Variants in SLC35D2 observed in about 807,000 individuals in gnomAD.
SLC35D2 encodes nucleotide sugar transporter SLC35D2.
In SLC35D2, 43 loss-of-function variants were observed where a neutral mutation model predicts 41.8. That is an observed-to-expected ratio of 1.03 (90% CI 0.81 to 1.33). The LOEUF is 1.33. Ranked by LOEUF, SLC35D2 falls within the 40% of genes most tolerant of loss-of-function variation. The probability of loss-of-function intolerance (pLI) is 0.00; values close to 1 mark genes in which losing one functional copy is unlikely to be tolerated. For missense variants in SLC35D2, 380 were observed against 408.4 expected (o/e 0.93, Z 0.60); for synonymous variants, 150 against 163.9 (o/e 0.92, Z 0.65).
intron 1 of SLC35D2, among the ~76,000 whole-genome samples, chr9:96,380,969 A>G (rs1404199401): frequency 6.6e-6 from 1 of 152,168 alleles, no homozygotes; most frequent in African/African-American, 2.4e-5. Context: ...ATCACCAAAA[A>G]ATATCCCAAA....
intron 9 of SLC35D2, among the ~76,000 whole-genome samples, chr9:96,327,674 C>T (rs10990529): frequency 0.32 from 47,877 of 150,660 alleles, 7,782 homozygotes; most frequent in Admixed American, 0.37. Context: ...CAGGCTGGAG[C>T]GCAGTGGTGT....
intron 4 of SLC35D2, chr9:96,357,375 A>G (rs1237169377): frequency 6.6e-6 from 1 of 152,088 alleles, no homozygotes; most frequent in Non-Finnish European, 1.5e-5. Flanking sequence ...CCACATATAA[A>G]AAATTAACCC....
rs71368250 is a variant in SLC35D2, at chr9:96,372,574, C to CTT, written c.159-4271_159-4270dup. ...TCTGAGCTAAATAATTAAATAATTA[C>CTT]TTTTTTTTTTTTTTTTTTTTTTTTT... is the stretch of plus-strand genomic sequence containing the variant. On this transcript the variant is annotated intron_variant, in intron 1 of 11. Transcript: ENST00000253270. 2.1e-3 allele frequency among the ~76,000 whole-genome samples: 186 copies of CTT among 90,170 alleles called. 9 individuals are homozygous for CTT. Among genetic ancestry groups the CTT allele is most frequent in the Non-Finnish European group, 2.9e-3 (139 of 48,570 alleles). The allele number at this position is 90,170 out of a possible 152,430, so 59.2% of individuals were successfully genotyped here.
downstream of SLC35D2, among the ~76,000 whole-genome samples, chr9:96,316,431 G>A (rs1828054449): frequency 6.6e-6 from 1 of 151,438 alleles, no homozygotes; most frequent in Non-Finnish European, 1.5e-5. Context: ...AACCCGGGAG[G>A]CAGAGATCAT....
Position 96,361,268 on chromosome 9 carries a change from A to G in SLC35D2, c.280-1047T>C, listed in dbSNP as rs149854252. 3.9e-3 allele frequency among the ~76,000 whole-genome samples: 590 copies of G among 152,240 alleles called. 11 individuals carry two copies. The highest frequency in any genetic ancestry group is 1.2e-3 in the East Asian group (6 of 5,180). ...TGAAATGAATCTTGTTTTTCCCCACATTTATATGTTGAAGCCCTAATCCCC... is the reference window on the plus strand; with the variant it reads ...TGAAATGAATCTTGTTTTTCCCCACGTTTATATGTTGAAGCCCTAATCCCC... On this transcript the variant is annotated intron_variant, in intron 3 of 11. Coordinates refer to ENST00000253270, the MANE Select transcript of SLC35D2 (RefSeq NM_007001.3).
intron 8 of SLC35D2, among the ~76,000 whole-genome samples, chr9:96,340,384 C>T (rs549415642): frequency 2.0e-5 from 3 of 151,838 alleles, no homozygotes; most frequent in Non-Finnish European, 4.4e-5. Context: ...TTTGGAAGGC[C>T]GAGGCGGGCA....
intron 4 of SLC35D2, among the ~76,000 whole-genome samples, chr9:96,354,382 G>A (rs878981474): frequency 1.6e-4 from 24 of 152,148 alleles, no homozygotes; most frequent in Admixed American, 1.4e-3. Flanking sequence ...AAAATTATTA[G>A]AACCACAATA....
At chr9:96,369,310 T>C (rs1196476135) in intron 1 of SLC35D2, among the ~76,000 whole-genome samples, 1 of 152,176 alleles carries the variant, frequency 6.6e-6, no homozygotes, top group Non-Finnish European at 1.5e-5. Context: ...ATAAAGGTCA[T>C]GGGTTGGAAA....
At chr9:96,376,066 C>A (rs2131032717) in intron 1 of SLC35D2, among the ~76,000 whole-genome samples, 1 of 151,158 alleles carries the variant, frequency 6.6e-6, no homozygotes, top group Non-Finnish European at 1.5e-5. Context: ...GAGGCTGAGG[C>A]AGGCGAATCA....
chr9:96,342,366 G>A (rs1356479792), intron 8 of SLC35D2, among the ~76,000 whole-genome samples: 1 of 152,120 alleles, frequency 6.6e-6, no homozygotes, highest in African/African-American at 2.4e-5. Flanking sequence ...CTGACCTCAG[G>A]TGATCTGCCT....
intron 1 of SLC35D2, among the ~76,000 whole-genome samples, chr9:96,378,132 T>G (rs1245794148): frequency 6.6e-6 from 1 of 152,030 alleles, no homozygotes; most frequent in Non-Finnish European, 1.5e-5. Context: ...ACTGGGCAGG[T>G]TTGGAAATTA....
rs905239721 is a variant in SLC35D2, at chr9:96,336,631, T to C, written c.752+86A>G. 18 of 832,502 alleles carry C rather than the reference T, an allele frequency of 2.2e-5. No individual in the cohort carries two copies. The Admixed American group carries it at 3.5e-4, about 16-fold the overall frequency. The allele number at this position is 832,502 out of a possible 1,614,324, so 51.6% of individuals were successfully genotyped here. Reference sequence around the variant, plus strand: ...AAGTCAGAGAAACACAAAGGAATTCTGACAGAATAGACAGAAGGCATATCT... The same window carrying C: ...AAGTCAGAGAAACACAAAGGAATTCCGACAGAATAGACAGAAGGCATATCT... On this transcript the variant is annotated intron_variant, in intron 9 of 11. Transcript: ENST00000253270.
chr9:96,365,938 T>C (rs1830455537), intron 2 of SLC35D2, among the ~76,000 whole-genome samples: 1 of 152,102 alleles, frequency 6.6e-6, no homozygotes, highest in Admixed American at 6.6e-5. Flanking sequence ...ATAATATATT[T>C]ATGTAATTAA....
rs34633441 is a variant in SLC35D2, at chr9:96,358,080, T to TTATATATATATA, written c.347+2062_347+2073dup. On this transcript the variant is annotated intron_variant, in intron 4 of 11. Coordinates refer to ENST00000253270, the MANE Select transcript of SLC35D2 (RefSeq NM_007001.3). ...ATGGATAAACAAAATATTATATATT[T>TTATATATATATA]TATATATATATATATATATATATAT... Among the ~76,000 whole-genome samples the TTATATATATATA allele has an allele frequency of 8.2e-4, 101 of 122,668 alleles. 5 individuals are homozygous for TTATATATATATA. The highest frequency in any genetic ancestry group is 3.1e-3 in the African/African-American group (80 of 25,602). 80.5% of individuals were successfully genotyped at this position (122,668 alleles called of 152,430 possible).
At position 96,367,898 on chromosome 9, in the gene SLC35D2, A is replaced by C. The variant is rs555692150; in HGVS notation, c.192+374T>G. On this transcript the variant is annotated intron_variant, in intron 2 of 11. Transcript: ENST00000253270. ...CTTTTCCTGTCAGGCACAATGGCTTAAACTAAGTATCAAGCTGACACTTTG... is the reference window on the plus strand; with the variant it reads ...CTTTTCCTGTCAGGCACAATGGCTTCAACTAAGTATCAAGCTGACACTTTG... Among the ~76,000 whole-genome samples the C allele has an allele frequency of 3.3e-5, 5 of 152,330 alleles. No homozygotes were observed. The South Asian group carries it at 1.0e-3, about 32-fold the overall frequency.
At chr9:96,337,254 C>T (rs1829088096) in intron 8 of SLC35D2, among the ~76,000 whole-genome samples, 1 of 152,004 alleles carries the variant, frequency 6.6e-6, no homozygotes, top group African/African-American at 2.4e-5. Context: ...GCTCTGTCAC[C>T]CAGGCTGGAG....
rs558047035 is a variant in SLC35D2 at position 96,358,041 on chromosome 9, T to C, written c.347+2113A>G. On this transcript the variant is annotated intron_variant, in intron 4 of 11. Transcript: ENST00000253270. ...GAGACCCTGTCTCAAAAAATAATAA[T>C]AATATTTTTATAAATGGATAAACAA... Among the ~76,000 whole-genome samples, 166 of 141,106 alleles carry C rather than the reference T, an allele frequency of 1.2e-3. No individual in the cohort carries two copies. The Middle Eastern group carries it at 0.019, about 16-fold the overall frequency. The allele number at this position is 141,106 out of a possible 152,430, so 92.6% of individuals were successfully genotyped here. A position where few individuals can be genotyped will look rare whatever the true frequency, so the allele number is the denominator to read the frequency against.
At chr9:96,375,352 T>A (rs1037139514) in intron 1 of SLC35D2, among the ~76,000 whole-genome samples, 2 of 151,366 alleles carry the variant, frequency 1.3e-5, no homozygotes, top group African/African-American at 4.9e-5. Context: ...CCAAGGCGGG[T>A]GGATCACCTG....
intron 10 of SLC35D2, 119 bp from the exon 11 acceptor site, chr9:96,322,199 A>T: frequency 1.5e-6 from 1 of 650,858 alleles, no homozygotes; most frequent in Admixed American, 2.8e-5. Flanking sequence ...GTACATAGGG[A>T]TATTCACAGG....
Sources: allele counts gnomAD v4.1 joint callset (sites outside exome capture counted in the v4.1 genomes callset), GRCh38; gene constraint gnomAD v4.1.1; transcripts MANE v1.5; gene names NCBI Gene and HGNC (gene_info 2026-07-23, HGNC 2026-07-21).